Variants in PCDH11X observed in about 807,000 individuals in gnomAD.
PCDH11X encodes the protein protocadherin-11 X-linked.
In PCDH11X, 18 loss-of-function variants were observed where a neutral mutation model predicts 53.3. The ratio of observed to expected loss-of-function variants is 0.34; its 90% CI spans 0.23 to 0.50. The LOEUF (loss-of-function observed/expected upper bound fraction) is 0.50. Ranked by LOEUF, PCDH11X falls within the 20% of genes least tolerant of loss-of-function variation. PCDH11X has a pLI of 0.98. For synonymous variants in PCDH11X, 279 were observed against 393.3 expected (o/e 0.71, Z 3.44); for missense variants, 570 against 1,032.4 (o/e 0.55, Z 6.14).
chrX:92,320,414 T>TTCTC (rs370928083), intron 8 of PCDH11X, among the ~76,000 whole-genome samples: 1 of 107,545 alleles, frequency 9.3e-6, no homozygotes, highest in African/African-American at 3.4e-5. Context: ...CTCTCTTTCT[T>TTCTC]TCTCTCTCTC....
intron 7 of PCDH11X, among the ~76,000 whole-genome samples, chrX:92,206,103 C>G (rs1006947455): frequency 7.2e-5 from 8 of 111,460 alleles, no homozygotes; most frequent in African/African-American, 2.6e-4. Context: ...TATCTGACAG[C>G]CTTGATTGCC....
chrX:91,931,358 C>A (rs1447779612), intron 6 of PCDH11X, among the ~76,000 whole-genome samples: 2 of 110,920 alleles, frequency 1.8e-5, no homozygotes. Flanking sequence ...AAATAGTCTG[C>A]TAATGTACTA....
chrX:92,570,497 T>A (rs1436776849), intron 10 of PCDH11X, among the ~76,000 whole-genome samples: 1 of 108,980 alleles, frequency 9.2e-6, no homozygotes, highest in Non-Finnish European at 1.9e-5. Context: ...TCCTTTGAGG[T>A]GCCATTACAA....
chrX:92,088,373 C>A (rs1247637322), intron 6 of PCDH11X, among the ~76,000 whole-genome samples: 1 of 110,204 alleles, frequency 9.1e-6, no homozygotes, highest in Non-Finnish European at 1.9e-5. Flanking sequence ...TTTTTTTTTC[C>A]TTTAAGGAAT....
intron 6 of PCDH11X, among the ~76,000 whole-genome samples, chrX:92,140,346 C>G (rs2065158400): frequency 9.0e-6 from 1 of 111,251 alleles, no homozygotes. Context: ...AATCTCTCTT[C>G]AAAAACTTTT....
At chrX:92,279,656 ATTAACTTTTACTTGCCAATATAT>A (rs1329819802) in intron 8 of PCDH11X, among the ~76,000 whole-genome samples, 3 of 112,398 alleles carry the variant, frequency 2.7e-5, no homozygotes, top group Non-Finnish European at 5.6e-5. Flanking sequence ...AAACGCTCCT[ATTAACTTTTACTTGCCAATATAT>A]TTAACTTTTA....
chrX:92,006,131 T>G (rs2062596383), intron 6 of PCDH11X, among the ~76,000 whole-genome samples: 1 of 109,602 alleles, frequency 9.1e-6, no homozygotes, highest in Non-Finnish European at 1.9e-5. Flanking sequence ...TTCTTATACT[T>G]GGATATTGAT....
At chrX:91,828,673 T>C (rs957453398) in intron 4 of PCDH11X, among the ~76,000 whole-genome samples, 2 of 111,571 alleles carry the variant, frequency 1.8e-5, no homozygotes, top group Non-Finnish European at 3.8e-5. Context: ...AGTCGTAAGA[T>C]TGGTTTTAAA....
chrX:92,483,545 T>A (rs1464921594), intron 10 of PCDH11X, among the ~76,000 whole-genome samples: 1 of 76,830 alleles, frequency 1.3e-5, no homozygotes, highest in Non-Finnish European at 2.5e-5. Context: ...CTTTTAATGA[T>A]GCATTTAAAT....
At chrX:92,054,018 A>T (rs912843199) in intron 6 of PCDH11X, among the ~76,000 whole-genome samples, 1 of 112,010 alleles carries the variant, frequency 8.9e-6, no homozygotes, top group African/African-American at 3.2e-5. Flanking sequence ...TGTGGCCAAG[A>T]TCACAGAACT....
At chrX:92,416,069 T>C in intron 9 of PCDH11X, among the ~76,000 whole-genome samples, 1 of 111,309 alleles carries the variant, frequency 9.0e-6, no homozygotes. Flanking sequence ...TGTGTATATA[T>C]GTGTGTGTGT....
At chrX:91,882,394 T>C (rs1024636404) in intron 6 of PCDH11X, among the ~76,000 whole-genome samples, 17 of 110,117 alleles carry the variant, frequency 1.5e-4, no homozygotes, top group Admixed American at 9.7e-5. Flanking sequence ...ATCAATGTCA[T>C]ATAAAAGAGA....
intron 6 of PCDH11X, among the ~76,000 whole-genome samples, chrX:92,017,374 A>T (rs2062811897): frequency 1.8e-5 from 2 of 110,248 alleles, no homozygotes; most frequent in Admixed American, 2.0e-4. Context: ...AAAATTATGA[A>T]AAAGAGCGCT....
chrX:92,082,432 AG>A (rs1291234011), intron 6 of PCDH11X, among the ~76,000 whole-genome samples: 11 of 111,569 alleles, frequency 9.9e-5, no homozygotes, highest in Admixed American at 2.9e-4. Flanking sequence ...ATAGTGTGAT[AG>A]TTTTTGCTCT....
At chrX:92,614,501 G>A (rs1265911751) in intron 10 of PCDH11X, among the ~76,000 whole-genome samples, 1 of 109,480 alleles carries the variant, frequency 9.1e-6, no homozygotes, top group Non-Finnish European at 1.9e-5. Flanking sequence ...GTACTTATGG[G>A]TGAGAGCTGG....
chrX:92,594,302 C>A (rs2750642), intron 10 of PCDH11X, among the ~76,000 whole-genome samples: 1 of 111,133 alleles, frequency 9.0e-6, no homozygotes, highest in Admixed American at 9.6e-5. Context: ...ATCTAATCAG[C>A]CTTTAGGAGC....
At chrX:92,301,061 G>A (rs899339195) in intron 8 of PCDH11X, among the ~76,000 whole-genome samples, 9 of 110,617 alleles carry the variant, frequency 8.1e-5, no homozygotes, top group African/African-American at 2.3e-4. Flanking sequence ...TGTGGCTGTG[G>A]GCAAGTGCTT....
At chrX:92,324,462 A>G (rs1248530747) in intron 8 of PCDH11X, among the ~76,000 whole-genome samples, 2 of 111,836 alleles carry the variant, frequency 1.8e-5, no homozygotes, top group Non-Finnish European at 3.8e-5. Flanking sequence ...AGAGTGTCAC[A>G]GCAATCTGTA....
At chrX:92,171,167 A>C (rs1318815370) in intron 6 of PCDH11X, among the ~76,000 whole-genome samples, 4 of 104,001 alleles carry the variant, frequency 3.8e-5, no homozygotes, top group Admixed American at 3.2e-4. Context: ...ACAGATACTC[A>C]TTTATAGCAC....
Sources: allele counts gnomAD v4.1 joint callset (sites outside exome capture counted in the v4.1 genomes callset), GRCh38; gene constraint gnomAD v4.1.1; transcripts MANE v1.5; gene names NCBI Gene and HGNC (gene_info 2026-07-23, HGNC 2026-07-21).